The following GPHN variants were observed in gnomAD, a reference collection of about 807,000 sequenced individuals.
GPHN encodes gephyrin.
GPHN carries 17 observed loss-of-function variants against 95.5 expected under a neutral mutation model. That is an observed-to-expected ratio of 0.18 (90% CI 0.12 to 0.27). GPHN has a LOEUF of 0.27. Ranked by LOEUF, GPHN falls within the 10% of genes least tolerant of loss-of-function variation. GPHN has a pLI of 1.00. For synonymous variants in GPHN, 320 were observed against 322.5 expected, an observed-to-expected ratio of 0.99 and a Z score of 0.08; for missense variants, 660 against 978.1, an observed-to-expected ratio of 0.67 and a Z score of 4.34.
At chr14:67,161,463 C>T (rs1401505334) in intron 19 of GPHN, among the ~76,000 whole-genome samples, 2 of 151,656 alleles carry the variant, frequency 1.3e-5, no homozygotes, top group African/African-American at 2.4e-5. Flanking sequence ...CTTCTCAAAA[C>T]CTCAAAAATT....
intron 4 of GPHN, among the ~76,000 whole-genome samples, chr14:66,858,757 C>A (rs2062902161): frequency 6.6e-6 from 1 of 152,126 alleles, no homozygotes; most frequent in Non-Finnish European, 1.5e-5. Context: ...CTGCCCTGGG[C>A]CACAGGGGAG....
chr14:66,579,902 C>T (rs2140450708), intron 1 of GPHN, among the ~76,000 whole-genome samples: 1 of 151,890 alleles, frequency 6.6e-6, no homozygotes, highest in South Asian at 2.1e-4. Context: ...AATAGTTCAT[C>T]CAACAACATT....
At chr14:66,885,860 C>G (rs1175369964) in intron 5 of GPHN, among the ~76,000 whole-genome samples, 3 of 149,500 alleles carry the variant, frequency 2.0e-5, no homozygotes, top group Non-Finnish European at 4.4e-5. Context: ...AAAGCAAACC[C>G]TAGGGAAGGG....
chr14:66,763,998 A>G (rs1365673527), intron 2 of GPHN, among the ~76,000 whole-genome samples: 1 of 152,158 alleles, frequency 6.6e-6, no homozygotes, highest in Non-Finnish European at 1.5e-5. Context: ...CCCAGATGGG[A>G]CTGTCTAGCT....
At chr14:67,294,200 T>C in the GPHN span, among the ~76,000 whole-genome samples, 1 of 152,190 alleles carries the variant, frequency 6.6e-6, no homozygotes, top group Non-Finnish European at 1.5e-5. Context: ...AAGTTTGCTT[T>C]CACGTCCTTA....
chr14:67,547,709 G>A, the GPHN span, among the ~76,000 whole-genome samples: 2 of 152,218 alleles, frequency 1.3e-5, no homozygotes, highest in South Asian at 4.1e-4. Context: ...CTGCCTGTGG[G>A]CTGCGGAGGC....
At chr14:67,221,953 T>G in the GPHN span, 2 of 1,003,708 alleles carry the variant, frequency 2.0e-6, no homozygotes, top group Non-Finnish European at 2.9e-6. Flanking sequence ...TGCTCCATTC[T>G]GAGAATCCTA....
the GPHN span, among the ~76,000 whole-genome samples, chr14:67,329,972 G>C: frequency 6.6e-6 from 1 of 151,164 alleles, no homozygotes; most frequent in Non-Finnish European, 1.5e-5. Context: ...TGTTCTTCTA[G>C]TATTGTGAAA....
At chr14:67,462,437 C>T in the GPHN span, among the ~76,000 whole-genome samples, 1 of 152,238 alleles carries the variant, frequency 6.6e-6, no homozygotes, top group African/African-American at 2.4e-5. Context: ...CCTTGTACTA[C>T]TGGGCTCAAG....
the GPHN span, among the ~76,000 whole-genome samples, chr14:67,429,693 G>T: frequency 6.6e-6 from 1 of 152,008 alleles, no homozygotes; most frequent in African/African-American, 2.4e-5. Context: ...TTGAGATTGC[G>T]CCATTGCACT....
intron 2 of GPHN, among the ~76,000 whole-genome samples, chr14:66,758,145 A>G (rs1053351549): frequency 6.6e-6 from 1 of 152,222 alleles, no homozygotes; most frequent in Non-Finnish European, 1.5e-5. Flanking sequence ...GTAGGTATAT[A>G]TAAAGTAGGT....
At chr14:66,581,957 C>T (rs1395537106) in intron 1 of GPHN, among the ~76,000 whole-genome samples, 1 of 151,770 alleles carries the variant, frequency 6.6e-6, no homozygotes, top group East Asian at 1.9e-4. Context: ...CTTTAGTATG[C>T]CTCTTTAAAT....
the GPHN span, among the ~76,000 whole-genome samples, chr14:67,656,824 C>A: frequency 5.3e-5 from 8 of 152,088 alleles, no homozygotes; most frequent in South Asian, 4.1e-4. Context: ...TACACTTACG[C>A]GAGGCAAGGA....
At chr14:67,089,659 G>T (rs1182079056) in intron 12 of GPHN, among the ~76,000 whole-genome samples, 5 of 152,102 alleles carry the variant, frequency 3.3e-5, no homozygotes, top group Admixed American at 2.6e-4. Context: ...CCAACACAAG[G>T]ATAAAGTTGA....
the GPHN span, chr14:67,585,989 GT>G: frequency 6.2e-7 from 1 of 1,613,894 alleles, no homozygotes; most frequent in Non-Finnish European, 8.5e-7. Flanking sequence ...CAGTGACAAC[GT>G]TTGGTGGCTG....
At chr14:67,073,617 C>T (rs1186530043) in intron 11 of GPHN, among the ~76,000 whole-genome samples, 1 of 152,026 alleles carries the variant, frequency 6.6e-6, no homozygotes, top group Non-Finnish European at 1.5e-5. Flanking sequence ...AAACACCAAC[C>T]CAACTTAATA....
chr14:66,872,026 T>C (rs1015397858), intron 4 of GPHN, among the ~76,000 whole-genome samples: 1 of 152,196 alleles, frequency 6.6e-6, no homozygotes, highest in Non-Finnish European at 1.5e-5. Context: ...TTAAAATGTC[T>C]CCCATTGTTA....
intron 1 of GPHN, among the ~76,000 whole-genome samples, chr14:66,575,028 C>A (rs543153132): frequency 6.6e-6 from 1 of 152,288 alleles, no homozygotes; most frequent in Admixed American, 6.5e-5. Context: ...AATAAATCTC[C>A]TCTCATATGT....
the GPHN span, among the ~76,000 whole-genome samples, chr14:67,322,166 C>G: frequency 6.6e-6 from 1 of 151,936 alleles, no homozygotes; most frequent in Non-Finnish European, 1.5e-5. Flanking sequence ...GGCAACACGG[C>G]AAAGCCCCAT....
Sources: gnomAD v4.1 joint callset for allele counts (sites outside exome capture counted in the v4.1 genomes callset) on GRCh38, gnomAD v4.1.1 for gene constraint, MANE v1.5 for transcripts, NCBI Gene and HGNC (gene_info 2026-07-23, HGNC 2026-07-21) for gene names.